PCDHA3: variants seen among roughly 807,000 people sequenced by gnomAD.
The protein encoded by PCDHA3 is protocadherin alpha-3.
In PCDHA3, 41 loss-of-function variants were observed where a neutral mutation model predicts 62.2. The ratio of observed to expected loss-of-function variants is 0.66; its 90% CI spans 0.51 to 0.86. The LOEUF (loss-of-function observed/expected upper bound fraction) is 0.86. Among genes scored for constraint, PCDHA3 ranks in the 40% least tolerant of loss-of-function variants. PCDHA3 has a pLI of 0.00. For missense variants in PCDHA3, 1,304 were observed against 1,241.2 expected (o/e 1.05, Z -0.76); for synonymous variants, 640 against 555.4 (o/e 1.15, Z -2.14).
At chr5:140,828,774 T>G (rs2150158749) in intron 1 of PCDHA3, 1 of 1,614,198 alleles carries the variant, frequency 6.2e-7, no homozygotes, top group Admixed American at 1.7e-5. Context: ...ACTGTTCAGC[T>G]GCTGGTCACA....
In PCDHA3 at chr5:140,801,810, A is replaced by C. The variant is rs781955396; in HGVS notation, c.613A>C (p.Thr205Pro). Reference protein sequence around the residue: ...VLKKNLNREDTPKHYLLITAI... With the variant: ...VLKKNLNREDPPKHYLLITAI... Reference sequence around the variant, plus strand: ...GAAAAAAAATTTAAATCGAGAGGACACTCCTAAGCATTATTTACTAATAAC... The same window carrying C: ...GAAAAAAAATTTAAATCGAGAGGACCCTCCTAAGCATTATTTACTAATAAC... The change falls in exon 1 of 4, where the codon ACT (threonine) becomes CCT (proline). Residue 205 changes from threonine to proline, a missense_variant. Physicochemically the swap from Thr to Pro is conservative, Grantham distance 38. Transcript: ENST00000522353. The C allele has an allele frequency of 1.2e-6, 2 of 1,613,894 alleles. No individual in the cohort carries two copies. The highest frequency in any genetic ancestry group is 2.7e-5 in the African/African-American group (2 of 74,868).
rs34281383 is a variant in PCDHA3 at position 140,802,259 on chromosome 5, A to G, written c.1062A>G (p.Ser354=). 5.1e-3 allele frequency: 8,304 copies of G among 1,614,188 alleles called. 396 individuals carry two copies. The African/African-American group carries it at 0.096, about 19-fold the overall frequency. Residue 354 remains serine, a synonymous_variant, in exon 1 of 4, where the codon TCA becomes TCG. Coordinates refer to ENST00000522353, the MANE Select transcript of PCDHA3 (RefSeq NM_018906.3). Reference sequence around the variant, plus strand: ...ATGTACCTGAGTTAGTTATTCAATCACTATCTTTACCTGTATTAGAAGACT... The same window carrying G: ...ATGTACCTGAGTTAGTTATTCAATCGCTATCTTTACCTGTATTAGAAGACT... ...NDNVPELVIQ[S]LSLPVLEDSP... is the part of the protein sequence containing the mutation.
intron 1 of PCDHA3, chr5:140,869,389 T>G (rs949262123): frequency 1.9e-6 from 3 of 1,614,180 alleles, no homozygotes; most frequent in Admixed American, 3.3e-5. Flanking sequence ...CGAGGAGCTG[T>G]GCGGGCAGAG....
chr5:140,835,836 C>T, intron 1 of PCDHA3: 1 of 1,612,388 alleles, frequency 6.2e-7, no homozygotes, highest in Non-Finnish European at 8.5e-7. Context: ...CGCGGACGCG[C>T]AGAAGAACGC....
In PCDHA3 at chr5:140,803,395, G is replaced by T; in HGVS notation, c.2198G>T (p.Gly733Val). ...GCGCCGCCAACCGAAGGCGACTGTG[G>T]GCCGGGCAAGCCCACGCTGGTGTGC... ...CSAPPTEGDC[G>V]PGKPTLVCSS... Residue 733 changes from glycine (G) to valine (V), a missense_variant, in exon 1 of 4, where the codon GGG becomes GTG. Gly to Val is a moderately radical substitution (Grantham distance 109). Coordinates refer to ENST00000522353, the MANE Select transcript of PCDHA3 (RefSeq NM_018906.3). 1 of 1,614,234 alleles carries T rather than the reference G, an allele frequency of 6.2e-7. No homozygotes were observed. The highest frequency in any genetic ancestry group is 1.1e-5 in the South Asian group (1 of 91,086).
intron 1 of PCDHA3, chr5:140,928,374 C>T (rs782659188): frequency 6.2e-7 from 1 of 1,614,172 alleles, no homozygotes; most frequent in Non-Finnish European, 8.5e-7. Flanking sequence ...GGCCATCAGC[C>T]TCTAGCTTGC....
chr5:141,010,293 G>T lies in PCDHA3; in HGVS notation c.*356G>T. 6.5e-7 allele frequency: 1 copy of T among 1,549,794 alleles called. No homozygotes were observed. Among genetic ancestry groups the T allele is most frequent in the Non-Finnish European group, 8.7e-7 (1 of 1,146,454 alleles). On this transcript the variant is annotated 3_prime_UTR_variant, in exon 4 of 4. Coordinates refer to ENST00000522353, the MANE Select transcript of PCDHA3 (RefSeq NM_018906.3). ...ATCCTGTCTTGATGACACTTGCAGG[G>T]CAGGCTGAAAAGTTTTGAGATTGAG...
At chr5:140,950,608 T>G (rs1490243292) in intron 1 of PCDHA3, among the ~76,000 whole-genome samples, 1 of 152,086 alleles carries the variant, frequency 6.6e-6, no homozygotes, top group Non-Finnish European at 1.5e-5. Context: ...GACTATGATG[T>G]GCTTATTTAT....
intron 3 of PCDHA3, among the ~76,000 whole-genome samples, chr5:141,007,365 A>G (rs1027558453): frequency 6.7e-6 from 1 of 149,886 alleles, no homozygotes; most frequent in African/African-American, 2.5e-5. Context: ...AGCCTGGGCA[A>G]CATGATGGAA....
rs1186272048 is a variant in PCDHA3, at chr5:140,851,988, ATTTG to A, written c.2394+48405_2394+48408del. ...CCACACTCTACCTTTAGTGCAAGCT[ATTTG>A]TTTGTTTTCTAATTTATAGTTTTAA... On this transcript the variant is annotated intron_variant, in intron 1 of 3. Coordinates refer to ENST00000522353, the MANE Select transcript of PCDHA3 (RefSeq NM_018906.3). The A allele has an allele frequency of 2.0e-6, 2 of 975,736 alleles. 1 individual carries two copies. Among genetic ancestry groups the A allele is most frequent in the African/African-American group, 3.5e-5 (2 of 56,556 alleles). 60.4% of individuals were successfully genotyped at this position (975,736 alleles called of 1,614,324 possible).
Position 140,968,451 on chromosome 5 carries a change from C to T in PCDHA3, c.2395-10498C>T, listed in dbSNP as rs782416830. 9 of 1,614,130 alleles carry T rather than the reference C, an allele frequency of 5.6e-6. No homozygotes were observed. The South Asian group carries it at 9.9e-5, about 18-fold the overall frequency. ...AAGGGGAGCCCACCACTGAGCAGCACTGTGACTGCCAACGTATATGTGGTG... is the reference window on the plus strand; with the variant it reads ...AAGGGGAGCCCACCACTGAGCAGCATTGTGACTGCCAACGTATATGTGGTG... On this transcript the variant is annotated intron_variant, in intron 1 of 3. Transcript: ENST00000522353.
chr5:140,887,802 T>A (rs2061588161), intron 1 of PCDHA3, among the ~76,000 whole-genome samples: 1 of 152,198 alleles, frequency 6.6e-6, no homozygotes, highest in Non-Finnish European at 1.5e-5. Context: ...TTTATTTTTG[T>A]CCATTTCTTT....
intron 1 of PCDHA3, chr5:140,870,203 T>C (rs782746068): frequency 5.0e-6 from 8 of 1,613,986 alleles, no homozygotes; most frequent in Non-Finnish European, 5.1e-6. Flanking sequence ...CCCAGCACGG[T>C]CATTGCCCTG....
intron 1 of PCDHA3, among the ~76,000 whole-genome samples, chr5:140,922,238 T>C (rs1554200737): frequency 6.6e-6 from 1 of 152,210 alleles, no homozygotes; most frequent in East Asian, 1.9e-4. Context: ...CCATGATGTG[T>C]ATGAAGATAA....
At chr5:140,967,479 C>T (rs782390272) in intron 1 of PCDHA3, 7 of 1,613,262 alleles carry the variant, frequency 4.3e-6, no homozygotes, top group East Asian at 2.2e-5. Context: ...CCAGCCCGCT[C>T]GGGTACGGCA....
intron 1 of PCDHA3, chr5:140,808,454 C>A (rs782570113): frequency 1.2e-6 from 2 of 1,614,202 alleles, no homozygotes; most frequent in Non-Finnish European, 1.7e-6. Context: ...AGCCTATGAG[C>A]TGGTGGTGAC....
intron 3 of PCDHA3, among the ~76,000 whole-genome samples, chr5:140,989,792 C>T (rs1324674581): frequency 6.6e-6 from 1 of 152,142 alleles, no homozygotes; most frequent in African/African-American, 2.4e-5. Flanking sequence ...CTAGAGGCCC[C>T]CAGGAAAGGG....
At chr5:140,856,729 G>A (rs1554149028) in intron 1 of PCDHA3, 1 of 1,595,444 alleles carries the variant, frequency 6.3e-7, no homozygotes, top group African/African-American at 1.3e-5. Flanking sequence ...CTGTTTCTCT[G>A]CTGATCCTGG....
intron 1 of PCDHA3, chr5:140,850,680 G>T: frequency 6.3e-7 from 1 of 1,598,518 alleles, no homozygotes; most frequent in Non-Finnish European, 8.6e-7. Flanking sequence ...GATGCCCACC[G>T]AGGGCGAGTG....
Sources: gnomAD v4.1 joint callset for allele counts (sites outside exome capture counted in the v4.1 genomes callset) on GRCh38, gnomAD v4.1.1 for gene constraint, MANE v1.5 for transcripts, NCBI Gene and HGNC (gene_info 2026-07-23, HGNC 2026-07-21) for gene names.